The following FSHR variants were observed in gnomAD, a reference collection of about 807,000 sequenced individuals.
FSHR encodes follicle-stimulating hormone receptor.
Under a neutral mutation model 52.1 loss-of-function variants are expected in FSHR, and 46 were observed. That is an observed-to-expected ratio of 0.88 (90% CI 0.70 to 1.13). The LOEUF (loss-of-function observed/expected upper bound fraction) is 1.13, where lower values mean the gene tolerates loss of function less well. Among genes scored for constraint, FSHR ranks in the 50% most tolerant of loss-of-function variants. FSHR has a pLI of 0.00. For missense variants in FSHR, 964 were observed against 834.6 expected, an observed-to-expected ratio of 1.16 and a Z score of -1.91; for synonymous variants, 399 against 309.6, an observed-to-expected ratio of 1.29 and a Z score of -3.03.
intron 9 of FSHR, among the ~76,000 whole-genome samples, chr2:48,964,993 CAA>C (rs200122416): frequency 0.017 from 2,463 of 142,794 alleles, 76 homozygotes; most frequent in African/African-American, 0.06. Context: ...TTTTTGGATG[CAA>C]AAAAAAAAAA....
chr2:48,993,769 G>C lies in FSHR; in HGVS notation c.375-3132C>G, dbSNP rs1675891705. Among the ~76,000 whole-genome samples the C allele has an allele frequency of 2.6e-5, 4 of 152,086 alleles. No individual in the cohort carries two copies. The South Asian group carries it at 8.3e-4, about 32-fold the overall frequency. ...TCTTTCAGTTCCTCAGCTGTATTAA[G>C]TTCTTTCCTTTCTCCAAATATTTGC... On this transcript the variant is annotated intron_variant, in intron 4 of 9. Coordinates refer to ENST00000406846, the MANE Select transcript of FSHR (RefSeq NM_000145.4).
chr2:49,009,323 G>T (rs578137461), intron 4 of FSHR, among the ~76,000 whole-genome samples: 2 of 151,996 alleles, frequency 1.3e-5, no homozygotes, highest in East Asian at 1.9e-4. Flanking sequence ...GCTTGTCAAA[G>T]ATCAGATAGT....
chr2:49,007,639 T>C, intron 4 of FSHR, among the ~76,000 whole-genome samples: 1 of 152,084 alleles, frequency 6.6e-6, no homozygotes, highest in East Asian at 1.9e-4. Flanking sequence ...GAATGATGTA[T>C]TTCCATGATA....
intron 3 of FSHR, 28 bp downstream of exon 3, chr2:49,020,058 G>T (rs202122664): frequency 6.3e-7 from 1 of 1,598,752 alleles, no homozygotes; most frequent in Admixed American, 1.7e-5. Flanking sequence ...GAATGGCCAT[G>T]AGCAAATCCC....
chr2:49,134,052 G>A (rs1469378615), intron 1 of FSHR, among the ~76,000 whole-genome samples: 2 of 152,164 alleles, frequency 1.3e-5, no homozygotes, highest in Admixed American at 6.5e-5. Flanking sequence ...GGCAACAAAA[G>A]CCAAAATTGA....
chr2:49,123,289 C>G (rs12471547), intron 1 of FSHR, among the ~76,000 whole-genome samples: 1 of 151,980 alleles, frequency 6.6e-6, no homozygotes, highest in African/African-American at 2.4e-5. Flanking sequence ...TTGCTCGAGA[C>G]CAGTCTGGGC....
intron 4 of FSHR, among the ~76,000 whole-genome samples, chr2:49,006,298 C>G (rs953882377): frequency 5.9e-5 from 9 of 152,092 alleles, no homozygotes; most frequent in African/African-American, 2.2e-4. Context: ...AACTTACAGT[C>G]CAAGTCATTC....
At chr2:49,032,803 T>A (rs1367309191) in intron 2 of FSHR, among the ~76,000 whole-genome samples, 1 of 152,238 alleles carries the variant, frequency 6.6e-6, no homozygotes, top group African/African-American at 2.4e-5. Context: ...ACTGGTGTTA[T>A]GGATCCTATC....
At chr2:49,015,102 T>C (rs1378779467) in intron 4 of FSHR, among the ~76,000 whole-genome samples, 1 of 152,184 alleles carries the variant, frequency 6.6e-6, no homozygotes, top group African/African-American at 2.4e-5. Flanking sequence ...ATAATCTTAT[T>C]TGGTTTTTAC....
chr2:49,016,659 C>G (rs922589330), intron 4 of FSHR, among the ~76,000 whole-genome samples: 2 of 152,160 alleles, frequency 1.3e-5, no homozygotes, highest in African/African-American at 4.8e-5. Flanking sequence ...AACCATTCCA[C>G]TGATCAACTC....
intron 4 of FSHR, among the ~76,000 whole-genome samples, chr2:49,010,615 C>T (rs1437486600): frequency 6.6e-6 from 1 of 150,816 alleles, no homozygotes; most frequent in Non-Finnish European, 1.5e-5. Context: ...ACCAGTTCCT[C>T]CTTGTACCTC....
At chr2:48,977,196 G>C (rs1285417753) in intron 8 of FSHR, among the ~76,000 whole-genome samples, 3 of 151,968 alleles carry the variant, frequency 2.0e-5, no homozygotes, top group Non-Finnish European at 4.4e-5. Flanking sequence ...CTAAAGATAG[G>C]CTTAGAGAGA....
At chr2:49,102,846 C>CACCTGA (rs71401010) in intron 1 of FSHR, among the ~76,000 whole-genome samples, 3 of 151,012 alleles carry the variant, frequency 2.0e-5, no homozygotes, top group Non-Finnish European at 4.4e-5. Flanking sequence ...GGATTTCTGC[C>CACCTGA]ACGGTTTGTT....
intron 2 of FSHR, among the ~76,000 whole-genome samples, chr2:49,021,179 G>A (rs1357101689): frequency 6.6e-6 from 1 of 152,136 alleles, no homozygotes; most frequent in African/African-American, 2.4e-5. Context: ...TTGTTGCAAG[G>A]CCATTGCCAT....
At chr2:48,991,862 A>T (rs1054145386) in intron 4 of FSHR, among the ~76,000 whole-genome samples, 1 of 152,140 alleles carries the variant, frequency 6.6e-6, no homozygotes, top group Non-Finnish European at 1.5e-5. Flanking sequence ...GTTGCATGCA[A>T]CCTAAAGAAC....
At chr2:49,077,621 A>C (rs529409060) in intron 1 of FSHR, among the ~76,000 whole-genome samples, 2 of 152,234 alleles carry the variant, frequency 1.3e-5, no homozygotes, top group South Asian at 4.1e-4. Context: ...TTTCTATTGC[A>C]TTGTCAGGCT....
At chr2:49,035,250 C>T (rs1315896449) in intron 2 of FSHR, among the ~76,000 whole-genome samples, 1 of 152,212 alleles carries the variant, frequency 6.6e-6, no homozygotes, top group African/African-American at 2.4e-5. Context: ...ATGTCCTAAA[C>T]AGGTCCTTGT....
intron 1 of FSHR, among the ~76,000 whole-genome samples, chr2:49,069,149 G>A (rs1186049630): frequency 1.3e-5 from 2 of 152,086 alleles, no homozygotes; most frequent in African/African-American, 2.4e-5. Context: ...GGCCTTCAGT[G>A]CCCTACAAGA....
intron 8 of FSHR, 103 bp from the exon 9 acceptor site, chr2:48,968,986 T>C (rs2104009413): frequency 9.5e-7 from 1 of 1,049,982 alleles, no homozygotes; most frequent in South Asian, 1.3e-5. Flanking sequence ...TATTCTTACA[T>C]GGATGAGGAG....
Sources: allele counts gnomAD v4.1 joint callset (sites outside exome capture counted in the v4.1 genomes callset), GRCh38; gene constraint gnomAD v4.1.1; transcripts MANE v1.5; gene names NCBI Gene and HGNC (gene_info 2026-07-23, HGNC 2026-07-21).